The following MTUS2 variants were observed in gnomAD, a reference collection of about 807,000 sequenced individuals.
MTUS2 encodes the protein microtubule-associated tumor suppressor candidate 2.
MTUS2 carries 40 observed loss-of-function variants against 114.1 expected under a neutral mutation model. That is an observed-to-expected ratio of 0.35 (90% CI 0.27 to 0.46). The LOEUF is 0.46. Among genes scored for constraint, MTUS2 ranks in the 20% least tolerant of loss-of-function variants. The pLI is 1.00. For missense variants in MTUS2, 1,679 were observed against 1,705.4 expected (o/e 0.98, Z 0.27); for synonymous variants, 688 against 672.0 (o/e 1.02, Z -0.37).
chr13:28,904,271 T>C (rs981988854), intron 2 of MTUS2, among the ~76,000 whole-genome samples: 16 of 152,076 alleles, frequency 1.1e-4, no homozygotes, highest in African/African-American at 1.7e-4. Flanking sequence ...TTAATTAGAT[T>C]CCATTTGTCA....
intron 1 of MTUS2, among the ~76,000 whole-genome samples, chr13:28,836,183 T>A (rs1034916647): frequency 1.1e-4 from 16 of 152,232 alleles, no homozygotes; most frequent in African/African-American, 2.9e-4. Flanking sequence ...AAATACCATT[T>A]TTCATGTGGA....
rs1057202559 is a variant in MTUS2 at position 28,831,167 on chromosome 13, G to A, written c.-315-8611G>A. Among the ~76,000 whole-genome samples, 5 of 151,984 alleles carry A rather than the reference G, an allele frequency of 3.3e-5. No individual in the cohort carries two copies. The South Asian group carries it at 6.2e-4, about 19-fold the overall frequency. The stretch of plus-strand genomic sequence containing the variant: ...AATAACTAAAAAATGTAAAAGAAAC[G>A]GAATGAAAATGATATATTGAAAAAT... On this transcript the variant is annotated intron_variant, in intron 1 of 15. Coordinates refer to ENST00000612955, the MANE Select transcript of MTUS2 (RefSeq NM_001033602.4).
chr13:29,488,216 C>G (rs1269698233), intron 11 of MTUS2: 7 of 566,150 alleles, frequency 1.2e-5, no homozygotes, highest in Non-Finnish European at 2.2e-5. Context: ...ATGCAGTTAT[C>G]CTCAACCTTG....
chr13:28,825,834 G>A (rs1347070511), intron 1 of MTUS2, among the ~76,000 whole-genome samples: 8 of 152,156 alleles, frequency 5.3e-5, no homozygotes, highest in Non-Finnish European at 7.3e-5. Flanking sequence ...TTTGCTGGTG[G>A]GTAGGGAGCA....
intron 2 of MTUS2, among the ~76,000 whole-genome samples, chr13:28,946,811 A>G (rs1009332423): frequency 7.2e-5 from 11 of 151,970 alleles, no homozygotes; most frequent in African/African-American, 1.2e-4. Flanking sequence ...TGGCCCCCCA[A>G]ACTGCTTGGA....
intron 6 of MTUS2, among the ~76,000 whole-genome samples, chr13:29,311,574 G>C (rs564092622): frequency 9.9e-5 from 15 of 152,242 alleles, no homozygotes; most frequent in African/African-American, 3.6e-4. Context: ...ATGAATACGT[G>C]TCCTTTTATA....
intron 5 of MTUS2, among the ~76,000 whole-genome samples, chr13:29,176,806 C>T (rs12865401): frequency 0.16 from 23,640 of 149,686 alleles, 2,272 homozygotes; most frequent in East Asian, 0.28. Context: ...AACAGCTCTT[C>T]GTGAGGCTTG....
At chr13:29,161,890 C>T (rs1893113811) in intron 5 of MTUS2, among the ~76,000 whole-genome samples, 1 of 152,240 alleles carries the variant, frequency 6.6e-6, no homozygotes, top group Admixed American at 6.5e-5. Context: ...GTGGCTGATC[C>T]TCTGCCCCAG....
At chr13:29,215,363 T>A (rs1895632529) in intron 5 of MTUS2, among the ~76,000 whole-genome samples, 1 of 152,052 alleles carries the variant, frequency 6.6e-6, no homozygotes, top group Admixed American at 6.6e-5. Context: ...CCTACTTCTG[T>A]CAATTCATCA....
At chr13:29,433,478 T>C (rs1018163347) in intron 8 of MTUS2, among the ~76,000 whole-genome samples, 3 of 151,952 alleles carry the variant, frequency 2.0e-5, no homozygotes, top group East Asian at 1.9e-4. Flanking sequence ...ATAATACTTA[T>C]TGATTAACTC....
chr13:29,301,902 G>T (rs1899219202), intron 6 of MTUS2, among the ~76,000 whole-genome samples: 1 of 152,190 alleles, frequency 6.6e-6, no homozygotes, highest in African/African-American at 2.4e-5. Flanking sequence ...CATAGATGGT[G>T]CCTTCTTGCT....
intron 2 of MTUS2, among the ~76,000 whole-genome samples, chr13:28,963,836 C>T (rs543453604): frequency 6.6e-5 from 10 of 152,282 alleles, no homozygotes; most frequent in Non-Finnish European, 1.0e-4. Context: ...TATCCTTTCA[C>T]GACCTTGGCA....
intron 5 of MTUS2, among the ~76,000 whole-genome samples, chr13:29,107,210 C>T (rs1438593137): frequency 2.6e-5 from 4 of 151,980 alleles, no homozygotes; most frequent in African/African-American, 7.3e-5. Context: ...CTTTTATTAC[C>T]TACTAGTTCT....
chr13:29,260,594 AT>A (rs1256453527), intron 5 of MTUS2, among the ~76,000 whole-genome samples: 1 of 152,254 alleles, frequency 6.6e-6, no homozygotes, highest in African/African-American at 2.4e-5. Context: ...ACACATACCT[AT>A]ATAGTCCCCA....
intron 8 of MTUS2, among the ~76,000 whole-genome samples, chr13:29,375,261 A>T (rs1871489074): frequency 9.1e-6 from 1 of 109,392 alleles, no homozygotes; most frequent in Non-Finnish European, 1.8e-5. Flanking sequence ...AGCCTCAGGA[A>T]CATAACAGAC....
At chr13:29,306,792 G>C (rs1159398722) in intron 6 of MTUS2, 2 of 373,306 alleles carry the variant, frequency 5.4e-6, no homozygotes, top group African/African-American at 4.2e-5. Context: ...TGAAGGTGAA[G>C]GCCAGAGTCG....
intron 2 of MTUS2, among the ~76,000 whole-genome samples, chr13:28,962,118 T>C (rs1264920078): frequency 6.6e-6 from 1 of 151,636 alleles, no homozygotes; most frequent in East Asian, 1.9e-4. Context: ...TTTAAAAATA[T>C]CTGAAAAATA....
At chr13:28,924,355 T>A (rs1375286247) in intron 2 of MTUS2, among the ~76,000 whole-genome samples, 2 of 152,200 alleles carry the variant, frequency 1.3e-5, no homozygotes, top group Non-Finnish European at 2.9e-5. Context: ...TATTTGTTGC[T>A]GAGCTTTCAT....
intron 2 of MTUS2, among the ~76,000 whole-genome samples, chr13:28,977,456 TA>T (rs1181906864): frequency 6.6e-6 from 1 of 152,182 alleles, no homozygotes; most frequent in Non-Finnish European, 1.5e-5. Context: ...TTTATATTTT[TA>T]TGGGAGACTA....
Sources: gnomAD v4.1 joint callset for allele counts (sites outside exome capture counted in the v4.1 genomes callset) on GRCh38, gnomAD v4.1.1 for gene constraint, MANE v1.5 for transcripts, NCBI Gene and HGNC (gene_info 2026-07-23, HGNC 2026-07-21) for gene names.